The following CDH18 variants were observed in gnomAD, a reference collection of about 807,000 sequenced individuals.
CDH18 encodes cadherin 18, also known as cadherin-18.
In CDH18, 31 loss-of-function variants were observed where a neutral mutation model predicts 67.9. The ratio of observed to expected loss-of-function variants is 0.46; its 90% CI spans 0.34 to 0.62. CDH18 has a LOEUF of 0.62. CDH18 is among the 20% of genes least tolerant of loss of function. The pLI is 0.01. For synonymous variants in CDH18, 362 were observed against 347.2 expected (o/e 1.04, Z -0.48); for missense variants, 890 against 975.5 (o/e 0.91, Z 1.17).
At chr5:20,267,089 G>A (rs970756410) in intron 1 of CDH18, among the ~76,000 whole-genome samples, 3 of 152,094 alleles carry the variant, frequency 2.0e-5, no homozygotes, top group Non-Finnish European at 2.9e-5. Context: ...CAGTATTCAT[G>A]GTTCAGATAG....
At chr5:19,836,589 T>C (rs1252491066) in intron 3 of CDH18, among the ~76,000 whole-genome samples, 1 of 152,202 alleles carries the variant, frequency 6.6e-6, no homozygotes, top group Non-Finnish European at 1.5e-5. Flanking sequence ...GATGGATAGA[T>C]GGCAAACATT....
At chr5:19,856,913 A>G (rs980244666) in intron 2 of CDH18, among the ~76,000 whole-genome samples, 2 of 152,092 alleles carry the variant, frequency 1.3e-5, no homozygotes, top group Non-Finnish European at 2.9e-5. Flanking sequence ...AAAGTAATAA[A>G]ATAGTTCCAA....
chr5:19,823,643 C>T (rs990461434), intron 3 of CDH18, among the ~76,000 whole-genome samples: 4 of 152,074 alleles, frequency 2.6e-5, no homozygotes, highest in African/African-American at 7.2e-5. Context: ...GACTTATCAC[C>T]CCACTGACAG....
intron 2 of CDH18, among the ~76,000 whole-genome samples, chr5:20,011,419 C>G (rs1259908530): frequency 5.3e-5 from 8 of 152,132 alleles, no homozygotes; most frequent in African/African-American, 1.9e-4. Context: ...GTTTGACTTC[C>G]TCTCTTCCTA....
intron 2 of CDH18, among the ~76,000 whole-genome samples, chr5:20,011,328 T>C (rs1737418477): frequency 6.6e-6 from 1 of 152,170 alleles, no homozygotes; most frequent in Non-Finnish European, 1.5e-5. Context: ...TTGCCAAAGT[T>C]TCTTATCAGC....
chr5:20,404,130 C>T (rs1224317406), intron 1 of CDH18, among the ~76,000 whole-genome samples: 3 of 152,190 alleles, frequency 2.0e-5, no homozygotes, highest in Non-Finnish European at 4.4e-5. Context: ...TCTCAGTCTT[C>T]ATAGAGTTGA....
chr5:19,472,111 T>A lies in CDH18; in HGVS notation c.*1115A>T, dbSNP rs564360637. ...CTGTTGATACCAAACTAATTATCAG[T>A]GAGATGGAAAAAATCTGAAACTGTG... On this transcript the variant is annotated 3_prime_UTR_variant, in exon 13 of 13. Coordinates refer to ENST00000382275, the MANE Select transcript of CDH18 (RefSeq NM_004934.5). Among the ~76,000 whole-genome samples, 7 of 152,232 alleles carry A rather than the reference T, an allele frequency of 4.6e-5. No homozygotes were observed. In the East Asian group the frequency reaches 1.2e-3, roughly 25 times the overall value.
intron 1 of CDH18, among the ~76,000 whole-genome samples, chr5:20,407,546 A>AG (rs2150138534): frequency 6.6e-6 from 1 of 152,034 alleles, no homozygotes; most frequent in South Asian, 2.1e-4. Flanking sequence ...CAGGGAAAAA[A>AG]TGAACTAGCC....
At chr5:20,367,458 G>T (rs1187740913) in intron 1 of CDH18, among the ~76,000 whole-genome samples, 1 of 152,154 alleles carries the variant, frequency 6.6e-6, no homozygotes, top group East Asian at 1.9e-4. Context: ...AAAGGAGGCG[G>T]GTTCTATGCC....
At chr5:19,908,826 C>T (rs1279256630) in intron 2 of CDH18, among the ~76,000 whole-genome samples, 1 of 152,078 alleles carries the variant, frequency 6.6e-6, no homozygotes, top group Non-Finnish European at 1.5e-5. Context: ...ATATTGAAAT[C>T]TGCTTGGTAA....
At chr5:20,361,013 C>T (rs1742047861) in intron 1 of CDH18, among the ~76,000 whole-genome samples, 1 of 151,830 alleles carries the variant, frequency 6.6e-6, no homozygotes, top group Admixed American at 6.6e-5. Context: ...TACCAAGAGA[C>T]TTTGAAGTAT....
At chr5:20,118,613 C>T (rs944149757) in intron 2 of CDH18, among the ~76,000 whole-genome samples, 1 of 152,128 alleles carries the variant, frequency 6.6e-6, no homozygotes, top group African/African-American at 2.4e-5. Context: ...GTAAGTAGTA[C>T]AGTCATATTA....
intron 3 of CDH18, among the ~76,000 whole-genome samples, chr5:19,834,094 T>C (rs1243814949): frequency 2.0e-5 from 3 of 152,060 alleles, no homozygotes; most frequent in Non-Finnish European, 4.4e-5. Context: ...GAAGGAATGG[T>C]ACCAGCCCCT....
intron 2 of CDH18, among the ~76,000 whole-genome samples, chr5:19,994,855 T>TATATATATATATATAGAG (rs760777430): frequency 1.5e-5 from 1 of 67,582 alleles, no homozygotes; most frequent in African/African-American, 7.4e-5. Flanking sequence ...TATATATATA[T>TATATATATATATATAGAG]AGAGAGAGAG....
intron 8 of CDH18, among the ~76,000 whole-genome samples, chr5:19,552,332 G>A (rs1024624135): frequency 1.3e-5 from 2 of 152,012 alleles, no homozygotes; most frequent in East Asian, 3.8e-4. Flanking sequence ...TAGAATCATA[G>A]TTCTGGAAAT....
chr5:20,467,314 A>G (rs1017315689), intron 1 of CDH18, among the ~76,000 whole-genome samples: 2 of 144,506 alleles, frequency 1.4e-5, no homozygotes, highest in African/African-American at 2.6e-5. Flanking sequence ...TATATATATA[A>G]AAAAGGACTC....
At chr5:20,088,928 T>C (rs566230972) in intron 2 of CDH18, among the ~76,000 whole-genome samples, 1 of 152,298 alleles carries the variant, frequency 6.6e-6, no homozygotes, top group African/African-American at 2.4e-5. Context: ...GAGTCTTTAA[T>C]TCAACACTGA....
intron 1 of CDH18, among the ~76,000 whole-genome samples, chr5:20,293,083 G>A (rs1444944736): frequency 1.3e-5 from 2 of 152,088 alleles, no homozygotes; most frequent in East Asian, 1.9e-4. Context: ...TTGGGAGGCC[G>A]AGGAGGGCTG....
intron 3 of CDH18, chr5:19,804,158 CG>C (rs1358774554): frequency 6.9e-6 from 1 of 144,182 alleles, no homozygotes; most frequent in Non-Finnish European, 1.5e-5. Flanking sequence ...AAAAATTAGC[CG>C]GGCATGGCAT....
Sources: gnomAD v4.1 joint callset for allele counts (sites outside exome capture counted in the v4.1 genomes callset) on GRCh38, gnomAD v4.1.1 for gene constraint, MANE v1.5 for transcripts, NCBI Gene and HGNC (gene_info 2026-07-23, HGNC 2026-07-21) for gene names.